DNAI1: variants seen among roughly 807,000 people sequenced by gnomAD.
DNAI1 encodes the protein dynein axonemal intermediate chain 1.
Under a neutral mutation model 92.0 loss-of-function variants are expected in DNAI1, and 67 were observed. The observed-to-expected ratio is 0.73, with a 90% confidence interval of 0.60 to 0.89. DNAI1 has a LOEUF of 0.89. Ranked by LOEUF, DNAI1 falls within the 40% of genes least tolerant of loss-of-function variation. DNAI1 has a pLI of 0.00. For synonymous variants in DNAI1, 323 were observed against 319.6 expected, an observed-to-expected ratio of 1.01 and a Z score of -0.11; for missense variants, 839 against 866.6, an observed-to-expected ratio of 0.97 and a Z score of 0.40.
At chr9:34,497,395 T>C (rs1824748429) in intron 10 of DNAI1, among the ~76,000 whole-genome samples, 196 bp downstream of exon 10, 1 of 152,210 alleles carries the variant, frequency 6.6e-6, no homozygotes, top group African/African-American at 2.4e-5. Flanking sequence ...AGAAACAATG[T>C]GTATACTGAT....
rs1254221839 is a variant in DNAI1, at chr9:34,500,766, G to A, written c.946G>A (p.Val316Met). 2 of 1,613,974 alleles carry A rather than the reference G, an allele frequency of 1.2e-6. No individual in the cohort carries two copies. Among genetic ancestry groups the A allele is most frequent in the East Asian group, 4.5e-5 (2 of 44,886 alleles). The change falls in exon 11 of 20, where the codon GTG becomes ATG. Residue 316 changes from valine (V) to methionine (M), a missense_variant. Transcript: ENST00000242317. ...TGCTGCTGATGAATACCGGGACCAG[G>A]TGGGTACCCTGCTGCCGCTCTGGAA... ...DDAADEYRDQ[V>M]GTLLPLWKFQ...
intron 1 of DNAI1, among the ~76,000 whole-genome samples, chr9:34,481,495 C>T (rs567564874): frequency 2.6e-5 from 4 of 152,324 alleles, no homozygotes; most frequent in Admixed American, 2.0e-4. Context: ...GAAGGCTCAA[C>T]CTCCTTTTGT....
Position 34,518,724 on chromosome 9 carries a change from G to C in DNAI1, c.2001+1257G>C, listed in dbSNP as rs113911251. Among the ~76,000 whole-genome samples the C allele has an allele frequency of 5.3e-3, 806 of 152,344 alleles. 10 individuals are homozygous for C. Among genetic ancestry groups the C allele is most frequent in the African/African-American group, 0.018 (768 of 41,576 alleles). ...CCAGGAGGGATGATGGTCATTCTTT[G>C]GGGGAGGAGTACAGCCATGACACCA... On this transcript the variant is annotated intron_variant, in intron 19 of 19. Coordinates refer to ENST00000242317, the MANE Select transcript of DNAI1 (RefSeq NM_012144.4).
intron 19 of DNAI1, among the ~76,000 whole-genome samples, chr9:34,519,677 AG>A (rs1057467760): frequency 6.6e-6 from 1 of 152,170 alleles, no homozygotes; most frequent in African/African-American, 2.4e-5. Flanking sequence ...GAGCCAGGGA[AG>A]GGCCTACTGG....
At position 34,520,940 on chromosome 9, in the gene DNAI1, C is replaced by T. The variant is rs781438681; in HGVS notation, c.*184C>T. 1.5e-5 allele frequency: 10 copies of T among 665,482 alleles called. No homozygotes were observed. Among genetic ancestry groups the T allele is most frequent in the Non-Finnish European group, 2.4e-5 (9 of 370,176 alleles). The allele number at this position is 665,482 out of a possible 1,614,324, so 41.2% of individuals were successfully genotyped here. A position where few individuals can be genotyped will look rare whatever the true frequency, so the allele number is the denominator to read the frequency against. On this transcript the variant is annotated 3_prime_UTR_variant, in exon 20 of 20. Coordinates refer to ENST00000242317, the MANE Select transcript of DNAI1 (RefSeq NM_012144.4). Reference sequence around the variant, plus strand: ...ACCCCAGGACTTGGTCTTCAACCACCATTACCCCTCTAACTTTGCACAAAT... The same window carrying T: ...ACCCCAGGACTTGGTCTTCAACCACTATTACCCCTCTAACTTTGCACAAAT...
intron 2 of DNAI1, among the ~76,000 whole-genome samples, chr9:34,484,409 T>C (rs1318522180): frequency 6.6e-6 from 1 of 152,224 alleles, no homozygotes; most frequent in Non-Finnish European, 1.5e-5. Context: ...AGAAAGGTTA[T>C]ACTAATTTGT....
At chr9:34,501,292 A>AG (rs1824826643) in intron 12 of DNAI1, 111 bp downstream of exon 12, 1 of 926,902 alleles carries the variant, frequency 1.1e-6, no homozygotes, top group African/African-American at 1.6e-5. Context: ...GACTGCCCGC[A>AG]GGGGGCTCAC....
intron 2 of DNAI1, among the ~76,000 whole-genome samples, chr9:34,484,475 A>G (rs1824433243): frequency 6.6e-6 from 1 of 152,190 alleles, no homozygotes; most frequent in Non-Finnish European, 1.5e-5. Flanking sequence ...TGGTTGTTTT[A>G]TAGTTTGCCA....
At position 34,489,375 on chromosome 9, in the gene DNAI1, C is replaced by A; in HGVS notation, c.314C>A (p.Thr105Asn). 1 of 1,614,082 alleles carries A rather than the reference C, an allele frequency of 6.2e-7. No homozygotes were observed. The highest frequency in any genetic ancestry group is 1.1e-5 in the South Asian group (1 of 91,078). ...GTGAACCAACTGGCAGTTCACTACA[C>A]CCAGGTTGGGAACCTGATCCCCAAA... The part of the protein sequence containing the change: ...GFVNQLAVHY[T>N]QVGNLIPKDS... Residue 105 changes from threonine to asparagine, a missense_variant, in exon 5 of 20, where the codon ACC becomes AAC. Physicochemically the swap from Thr to Asn is moderately conservative, Grantham distance 65. Transcript: ENST00000242317.
chr9:34,483,450 C>T lies in DNAI1; in HGVS notation c.51C>T (p.Ser17=), dbSNP rs2132055879. ...KAPHKQPHKQ[S]ISIGRGTRKR... is the part of the protein sequence containing the mutation. The stretch of plus-strand genomic sequence containing the variant: ...TCTGTTTTCTGTTCTTCATTTAGAG[C>T]ATCAGCATAGGCAGAGGAACCAGGA... The change falls in exon 2 of 20, where the codon AGC becomes AGT. Residue 17 remains serine (S), a splice_region_variant and synonymous_variant. Transcript: ENST00000242317. 1 of 1,611,956 alleles carries T rather than the reference C, an allele frequency of 6.2e-7. No individual in the cohort carries two copies. The highest frequency in any genetic ancestry group is 8.5e-7 in the Non-Finnish European group (1 of 1,179,672).
intron 1 of DNAI1, among the ~76,000 whole-genome samples, chr9:34,476,627 GC>G (rs1452156486): frequency 6.6e-6 from 1 of 152,210 alleles, no homozygotes; most frequent in Non-Finnish European, 1.5e-5. Context: ...GGGGACCCAT[GC>G]AGAGGCTAGC....
At chr9:34,462,236 A>G (rs1564025128) in intron 1 of DNAI1, among the ~76,000 whole-genome samples, 1 of 152,124 alleles carries the variant, frequency 6.6e-6, no homozygotes, top group African/African-American at 2.4e-5. Flanking sequence ...ATCCCAGCAA[A>G]CTGAACTGCC....
intron 1 of DNAI1, among the ~76,000 whole-genome samples, chr9:34,463,852 G>T (rs2132038888): frequency 6.6e-6 from 1 of 152,256 alleles, no homozygotes; most frequent in South Asian, 2.1e-4. Flanking sequence ...TTGGGCATAA[G>T]GCCAGAAGAG....
At chr9:34,495,785 C>T (rs962375675) in intron 9 of DNAI1, among the ~76,000 whole-genome samples, 1 of 152,140 alleles carries the variant, frequency 6.6e-6, no homozygotes. Context: ...ACTGCCTGAC[C>T]TGGGGAGAGT....
chr9:34,468,939 A>G (rs1191276648), intron 1 of DNAI1, among the ~76,000 whole-genome samples: 3 of 152,128 alleles, frequency 2.0e-5, no homozygotes, highest in Admixed American at 6.5e-5. Flanking sequence ...TATATTATAT[A>G]TGTATTTGGA....
At chr9:34,465,365 G>A (rs898300361) in intron 1 of DNAI1, among the ~76,000 whole-genome samples, 2 of 151,342 alleles carry the variant, frequency 1.3e-5, no homozygotes, top group Non-Finnish European at 3.0e-5. Context: ...CAGGACAGGA[G>A]AAGGGATGGA....
chr9:34,513,057 C>G, intron 15 of DNAI1, 55 bp from the exon 16 acceptor site: 1 of 1,460,158 alleles, frequency 6.8e-7, no homozygotes. Flanking sequence ...AGGGGAGGCA[C>G]TGGGAGCCTC....
Position 34,512,366 on chromosome 9 carries a change from G to A in DNAI1, c.1431G>A (p.Lys477=), listed in dbSNP as rs1241673274. The part of the protein sequence containing the change: ...KRKLVHIDVI[K]LKVEGSTTEV... ...AGCTGGTTCACATAGATGTCATCAA[G>A]CTGAAGGTGGAAGGCAGCACCACGG... Residue 477 remains lysine (K), a synonymous_variant, in exon 15 of 20, where the codon AAG becomes AAA. Coordinates refer to ENST00000242317, the MANE Select transcript of DNAI1 (RefSeq NM_012144.4). The A allele has an allele frequency of 8.1e-6, 13 of 1,614,124 alleles. No homozygotes were observed. Among genetic ancestry groups the A allele is most frequent in the Non-Finnish European group, 1.1e-5 (13 of 1,180,022 alleles).
chr9:34,520,641 A>G lies in DNAI1; in HGVS notation c.2002-17A>G, dbSNP rs1825262236. 1.3e-6 allele frequency: 2 copies of G among 1,550,552 alleles called. No homozygotes were observed. The highest frequency in any genetic ancestry group is 1.7e-6 in the Non-Finnish European group (2 of 1,146,284). On this transcript the variant is annotated splice_polypyrimidine_tract_variant and intron_variant, in intron 19 of 19. Transcript: ENST00000242317. ...GGCCCACCATTCCTCCCTCATGTAT[A>G]CTTTCCCTCTCCCCAGGAAAAGAAG...
Sources: allele counts gnomAD v4.1 joint callset (sites outside exome capture counted in the v4.1 genomes callset), GRCh38; gene constraint gnomAD v4.1.1; transcripts MANE v1.5; gene names NCBI Gene and HGNC (gene_info 2026-07-23, HGNC 2026-07-21).